Variants in FGGY observed in about 807,000 individuals in gnomAD.
The protein encoded by FGGY is FGGY carbohydrate kinase domain containing.
In FGGY, 72 loss-of-function variants were observed where a neutral mutation model predicts 71.3. The ratio of observed to expected loss-of-function variants is 1.01; its 90% CI spans 0.84 to 1.23. The LOEUF (loss-of-function observed/expected upper bound fraction) is 1.23. FGGY is among the 50% of genes most tolerant of loss of function. The pLI, the probability that FGGY is intolerant of heterozygous loss-of-function variation, is 0.00. For synonymous variants in FGGY, 251 were observed against 250.3 expected (o/e 1.00, Z -0.02); for missense variants, 668 against 682.3 (o/e 0.98, Z 0.23).
chr1:59,666,506 T>C (rs919324690), intron 12 of FGGY, among the ~76,000 whole-genome samples: 2 of 152,248 alleles, frequency 1.3e-5, no homozygotes, highest in African/African-American at 2.4e-5. Flanking sequence ...GAATTCTACA[T>C]TGAGATTCAC....
chr1:59,518,617 T>C (rs911722460), intron 7 of FGGY, among the ~76,000 whole-genome samples: 4 of 152,176 alleles, frequency 2.6e-5, no homozygotes. Flanking sequence ...GCTGTTCTCA[T>C]GATAGTGCAT....
At chr1:59,756,483 T>G (rs748454965) in intron 14 of FGGY, among the ~76,000 whole-genome samples, 1 of 152,268 alleles carries the variant, frequency 6.6e-6, no homozygotes, top group South Asian at 2.1e-4. Context: ...GTTTATCCGC[T>G]TCTAGCGTAG....
chr1:59,494,678 G>T (rs555006597), intron 6 of FGGY, among the ~76,000 whole-genome samples: 21 of 152,254 alleles, frequency 1.4e-4, no homozygotes, highest in Middle Eastern at 3.4e-3. Flanking sequence ...TACCAGAAAT[G>T]CAATATGTAA....
At chr1:59,431,679 A>G (rs1309873713) in intron 5 of FGGY, among the ~76,000 whole-genome samples, 1 of 152,198 alleles carries the variant, frequency 6.6e-6, no homozygotes, top group Non-Finnish European at 1.5e-5. Flanking sequence ...AGGCAGCAAG[A>G]TGGAGAATAG....
intron 13 of FGGY, among the ~76,000 whole-genome samples, chr1:59,670,767 G>C (rs2097370537): frequency 6.6e-6 from 1 of 152,142 alleles, no homozygotes; most frequent in South Asian, 2.1e-4. Context: ...GCCATGTTGA[G>C]AACAGCCTGC....
intron 1 of FGGY, among the ~76,000 whole-genome samples, chr1:59,320,818 T>G (rs1277366994): frequency 1.3e-5 from 2 of 152,260 alleles, no homozygotes; most frequent in East Asian, 3.8e-4. Context: ...TATGGGACTT[T>G]AGGTCCAGGC....
At chr1:59,493,826 T>A (rs531923007) in intron 6 of FGGY, among the ~76,000 whole-genome samples, 8 of 152,304 alleles carry the variant, frequency 5.3e-5, no homozygotes, top group Non-Finnish European at 1.0e-4. Flanking sequence ...AATTAAAAAA[T>A]TTTTAAAAAC....
rs1416915636 is a variant in FGGY, at chr1:59,619,549, G to A, written c.1012-6439G>A. On this transcript the variant is annotated intron_variant, in intron 9 of 15. Transcript: ENST00000303721. Reference sequence around the variant, plus strand: ...ATATACCAGGTCAAGGGAACAACCAGTGTAAAGATTCTGAGAGGGTTGCTT... The same window carrying A: ...ATATACCAGGTCAAGGGAACAACCAATGTAAAGATTCTGAGAGGGTTGCTT... Among the ~76,000 whole-genome samples, 12 of 152,008 alleles carry A rather than the reference G, an allele frequency of 7.9e-5. No individual in the cohort carries two copies. The South Asian group carries it at 2.3e-3, about 29-fold the overall frequency.
At chr1:59,595,321 T>TA (rs906671302) in intron 8 of FGGY, among the ~76,000 whole-genome samples, 50 of 133,798 alleles carry the variant, frequency 3.7e-4, no homozygotes, top group Non-Finnish European at 5.5e-4. Flanking sequence ...TGCCTTTTTT[T>TA]AAAAAAAAAT....
intron 5 of FGGY, among the ~76,000 whole-genome samples, chr1:59,400,777 A>G (rs2061854764): frequency 7.0e-6 from 1 of 143,868 alleles, no homozygotes; most frequent in South Asian, 2.4e-4. Flanking sequence ...AATTATTTTT[A>G]TTTTTTATTT....
At chr1:59,709,854 C>T (rs2097781847) in intron 14 of FGGY, among the ~76,000 whole-genome samples, 1 of 152,208 alleles carries the variant, frequency 6.6e-6, no homozygotes. Context: ...ACTTCCAAGG[C>T]TTTCCAAATT....
At chr1:59,554,435 T>C (rs1341238049) in intron 8 of FGGY, among the ~76,000 whole-genome samples, 3 of 152,174 alleles carry the variant, frequency 2.0e-5, no homozygotes, top group Admixed American at 1.3e-4. Flanking sequence ...AAATTCTTAG[T>C]AAGCATGAAA....
At chr1:59,407,003 C>A (rs2062858160) in intron 5 of FGGY, among the ~76,000 whole-genome samples, 1 of 152,176 alleles carries the variant, frequency 6.6e-6, no homozygotes. Flanking sequence ...AGGGGGTTGA[C>A]CCCTGCCCCC....
chr1:59,370,973 C>T (rs936957174), intron 4 of FGGY, among the ~76,000 whole-genome samples: 4 of 151,822 alleles, frequency 2.6e-5, no homozygotes, highest in East Asian at 3.9e-4. Context: ...TAAAGACCAT[C>T]GAGACTAGGA....
chr1:59,751,057 G>A (rs1013563604), intron 14 of FGGY, among the ~76,000 whole-genome samples: 7 of 152,192 alleles, frequency 4.6e-5, no homozygotes, highest in Admixed American at 1.3e-4. Context: ...CTGTTTTCAT[G>A]ACAGGGAGAA....
At chr1:59,730,997 C>T (rs888548947) in intron 14 of FGGY, among the ~76,000 whole-genome samples, 4 of 152,298 alleles carry the variant, frequency 2.6e-5, no homozygotes, top group South Asian at 2.1e-4. Context: ...TTAAGTGACT[C>T]GACAAAATGT....
intron 6 of FGGY, among the ~76,000 whole-genome samples, chr1:59,466,976 A>T (rs570854571): frequency 1.3e-5 from 2 of 152,246 alleles, no homozygotes; most frequent in South Asian, 4.1e-4. Flanking sequence ...TAGAAATACC[A>T]TTTGACCCAG....
At chr1:59,304,100 T>G (rs979852687) in intron 1 of FGGY, among the ~76,000 whole-genome samples, 2 of 152,122 alleles carry the variant, frequency 1.3e-5, no homozygotes, top group African/African-American at 4.8e-5. Context: ...CCTCACTTGT[T>G]TATTTTTGCT....
chr1:59,436,813 A>G (rs2068578827), intron 5 of FGGY, among the ~76,000 whole-genome samples: 4 of 152,154 alleles, frequency 2.6e-5, no homozygotes, highest in Admixed American at 2.6e-4. Flanking sequence ...AAGGGAAAGT[A>G]CTTTGGCTTT....
Sources: allele counts gnomAD v4.1 joint callset (sites outside exome capture counted in the v4.1 genomes callset), GRCh38; gene constraint gnomAD v4.1.1; transcripts MANE v1.5; gene names NCBI Gene and HGNC (gene_info 2026-07-23, HGNC 2026-07-21).